Variants in PCDHGA6 observed in about 807,000 individuals in gnomAD.
The protein encoded by PCDHGA6 is protocadherin gamma-A6.
In PCDHGA6, 41 loss-of-function variants were observed where a neutral mutation model predicts 60.6. That is an observed-to-expected ratio of 0.68 (90% CI 0.53 to 0.88). The LOEUF is 0.88. Ranked by LOEUF, PCDHGA6 falls within the 40% of genes least tolerant of loss-of-function variation. The pLI, the probability that PCDHGA6 is intolerant of heterozygous loss-of-function variation, is 0.00. For missense variants in PCDHGA6, 1,312 were observed against 1,203.0 expected, an observed-to-expected ratio of 1.09 and a Z score of -1.34; for synonymous variants, 594 against 524.4, an observed-to-expected ratio of 1.13 and a Z score of -1.81.
rs1487270083 is a variant in PCDHGA6, at chr5:141,402,944, G to T, written c.2424+26437G>T. ...GATCCTTTTGAGAAAATTCCAAAGC[G>T]AGGCAGCAATGGCAGCTCCAACCAA... is the stretch of plus-strand genomic sequence containing the variant. On this transcript the variant is annotated intron_variant, in intron 1 of 3. Transcript: ENST00000517434. The T allele has an allele frequency of 3.8e-6, 6 of 1,592,018 alleles. No individual in the cohort carries two copies. The African/African-American group carries it at 8.1e-5, about 22-fold the overall frequency.
chr5:141,422,194 C>A, intron 1 of PCDHGA6: 1 of 1,562,366 alleles, frequency 6.4e-7, no homozygotes, highest in South Asian at 1.2e-5. Flanking sequence ...AATTCAAGGC[C>A]AAGATGGTGG....
Position 141,382,148 on chromosome 5 carries a change from G to T in PCDHGA6, c.2424+5641G>T, listed in dbSNP as rs368948292. 1.1e-3 allele frequency among the ~76,000 whole-genome samples: 162 copies of T among 151,932 alleles called. 4 individuals are homozygous for T. In the South Asian group the frequency reaches 0.024, roughly 23 times the overall value. Reference sequence around the variant, plus strand: ...TGGCCCCCCCTCTCATTTTTTAAACGGTTAAAATGAAGGTGTTAGACCGTC... The same window carrying T: ...TGGCCCCCCCTCTCATTTTTTAAACTGTTAAAATGAAGGTGTTAGACCGTC... On this transcript the variant is annotated intron_variant, in intron 1 of 3. Coordinates refer to ENST00000517434, the MANE Select transcript of PCDHGA6 (RefSeq NM_018919.3).
rs550916604 is a variant in PCDHGA6, at chr5:141,376,477, T to C, written c.2394T>C (p.Leu798=). The C allele has an allele frequency of 6.2e-7, 1 of 1,614,200 alleles. No individual in the cohort carries two copies. Among genetic ancestry groups the C allele is most frequent in the African/African-American group, 1.3e-5 (1 of 75,056 alleles). The change falls in exon 1 of 4, where the codon CTT becomes CTC. Residue 798 remains leucine, a synonymous_variant. Coordinates refer to ENST00000517434, the MANE Select transcript of PCDHGA6 (RefSeq NM_018919.3). ...SEPLLITQDL[L]ETKGEPRQLQ... ...CTCTTCTGATAACTCAGGATTTACT[T>C]GAAACGAAAGGAGAACCCAGGCAAC...
intron 1 of PCDHGA6, among the ~76,000 whole-genome samples, chr5:141,438,745 T>C (rs1004731034): frequency 4.7e-5 from 7 of 147,392 alleles, no homozygotes; most frequent in Non-Finnish European, 1.0e-4. Flanking sequence ...CACTGCAACC[T>C]CTGCCTCCTG....
intron 2 of PCDHGA6, among the ~76,000 whole-genome samples, chr5:141,501,288 T>TAC (rs1562199973): frequency 3.7e-5 from 3 of 81,228 alleles, no homozygotes; most frequent in South Asian, 4.2e-4. Context: ...GATATTCCCT[T>TAC]ATACACACAC....
intron 1 of PCDHGA6, chr5:141,414,449 C>T (rs1223779483): frequency 6.2e-7 from 1 of 1,613,730 alleles, no homozygotes; most frequent in Non-Finnish European, 8.5e-7. Context: ...TACAATATCA[C>T]AGTGACAGCC....
At position 141,395,235 on chromosome 5, in the gene PCDHGA6, C is replaced by T. The variant is rs775441341; in HGVS notation, c.2424+18728C>T. 7 of 1,601,042 alleles carry T rather than the reference C, an allele frequency of 4.4e-6. No homozygotes were observed. In the South Asian group the frequency reaches 7.9e-5, roughly 18 times the overall value. ...ATATAAGAATGAAGCTGATCATGGT[C>T]AGGTGAGTTTAGTTCTTTGCTTGCT... On this transcript the variant is annotated intron_variant, in intron 1 of 3. Transcript: ENST00000517434.
rs2099699514 is a variant in PCDHGA6 at position 141,490,385 on chromosome 5, A to G, written c.2425-4422A>G. 1 of 1,614,190 alleles carries G rather than the reference A, an allele frequency of 6.2e-7. No individual in the cohort carries two copies. Among genetic ancestry groups the G allele is most frequent in the African/African-American group, 1.3e-5 (1 of 75,032 alleles). ...GTGCGAGACCGGGACTCAGGTAGAA[A>G]TGGTGAAGTGAGCCTTGATATCTCT... On this transcript the variant is annotated intron_variant, in intron 1 of 3. Coordinates refer to ENST00000517434, the MANE Select transcript of PCDHGA6 (RefSeq NM_018919.3). This position sits in a 1 kb window ranked among gnomAD's most constrained non-coding sequence, Gnocchi z 5.4.
chr5:141,455,822 CCCCTTTTCCTGT>C (rs2098832641), intron 1 of PCDHGA6, among the ~76,000 whole-genome samples: 2 of 151,688 alleles, frequency 1.3e-5, no homozygotes, highest in African/African-American at 4.8e-5. Flanking sequence ...TTCCCAAGGA[CCCCTTTTCCTGT>C]CTATCTGCAT....
chr5:141,382,783 C>A, intron 1 of PCDHGA6: 1 of 871,086 alleles, frequency 1.1e-6, no homozygotes. Flanking sequence ...TAAACTCAAG[C>A]CTCTATCCTG....
chr5:141,390,650 G>A lies in PCDHGA6; in HGVS notation c.2424+14143G>A, dbSNP rs750733568. ...TATGATGAATACTTTTTTCAGCTTG[G>A]ATATACCATAAATATAAAAATAATA... On this transcript the variant is annotated intron_variant, in intron 1 of 3. Coordinates refer to ENST00000517434, the MANE Select transcript of PCDHGA6 (RefSeq NM_018919.3). 69 of 210,892 alleles carry A rather than the reference G, an allele frequency of 3.3e-4. 1 individual carries two copies. The highest frequency in any genetic ancestry group is 5.4e-4 in the Non-Finnish European group (57 of 106,318). The allele number at this position is 210,892 out of a possible 1,614,324, so 13.1% of individuals were successfully genotyped here.
At chr5:141,427,896 C>T in intron 1 of PCDHGA6, 2 of 1,570,508 alleles carry the variant, frequency 1.3e-6, no homozygotes, top group Non-Finnish European at 1.7e-6. Context: ...CCAGGGCTCG[C>T]CCGCGCTCAG....
chr5:141,419,785 G>T, intron 1 of PCDHGA6: 2 of 1,614,052 alleles, frequency 1.2e-6, no homozygotes, highest in Non-Finnish European at 1.7e-6. Flanking sequence ...GCCAGCGCCT[G>T]CTAGTCGCTG....
chr5:141,451,582 T>C (rs1361047985), intron 1 of PCDHGA6, among the ~76,000 whole-genome samples: 1 of 152,012 alleles, frequency 6.6e-6, no homozygotes, highest in Non-Finnish European at 1.5e-5. Flanking sequence ...TAAACCTAAT[T>C]TTGAAAGTGA....
At chr5:141,384,254 T>A in intron 1 of PCDHGA6, 3 of 1,613,674 alleles carry the variant, frequency 1.9e-6, no homozygotes, top group Non-Finnish European at 2.5e-6. Context: ...CCACCCACCT[T>A]CCCCCACTCA....
chr5:141,461,138 C>T (rs1416058747), intron 1 of PCDHGA6, among the ~76,000 whole-genome samples: 1 of 151,942 alleles, frequency 6.6e-6, no homozygotes, highest in East Asian at 1.9e-4. Flanking sequence ...ACTTATTTTC[C>T]TTTGGGTAGA....
At chr5:141,464,091 T>G (rs2099075583) in intron 1 of PCDHGA6, among the ~76,000 whole-genome samples, 1 of 151,812 alleles carries the variant, frequency 6.6e-6, no homozygotes, top group African/African-American at 2.4e-5. Flanking sequence ...ATGGTGAAAC[T>G]CCGTCTCTAC....
chr5:141,480,414 CAA>C (rs10712552), intron 1 of PCDHGA6, among the ~76,000 whole-genome samples: 346 of 147,498 alleles, frequency 2.3e-3, no homozygotes, highest in African/African-American at 8.3e-3. Flanking sequence ...GACCCTGTCT[CAA>C]AAAAAAAAAT....
In PCDHGA6 at chr5:141,376,620, C is replaced by T. The variant is rs2150087257; in HGVS notation, c.2424+113C>T. The stretch of plus-strand genomic sequence containing the variant: ...TTATAGAAGCGAACCTCTTTTGGTA[C>T]AGGAAGATTCGTGATTTTGTAAAGT... On this transcript the variant is annotated intron_variant, in intron 1 of 3. Transcript: ENST00000517434. 2.9e-6 allele frequency: 4 copies of T among 1,360,830 alleles called. No homozygotes were observed. In the East Asian group the frequency reaches 7.4e-5, roughly 25 times the overall value. The allele number at this position is 1,360,830 out of a possible 1,614,324, so 84.3% of individuals were successfully genotyped here. A position where few individuals can be genotyped will look rare whatever the true frequency, so the allele number is the denominator to read the frequency against.
Sources: allele counts gnomAD v4.1 joint callset (sites outside exome capture counted in the v4.1 genomes callset), GRCh38; gene constraint gnomAD v4.1.1; non-coding constraint Gnocchi (gnomAD v3.1); transcripts MANE v1.5; gene names NCBI Gene and HGNC (gene_info 2026-07-23, HGNC 2026-07-21).